BDH1: variants seen among roughly 807,000 people sequenced by gnomAD.
BDH1 encodes the protein 3-hydroxybutyrate dehydrogenase 1.
Under a neutral mutation model 33.1 loss-of-function variants are expected in BDH1, and 30 were observed. That is an observed-to-expected ratio of 0.91 (90% CI 0.68 to 1.23). The LOEUF is 1.23. BDH1 is among the 50% of genes most tolerant of loss of function. The pLI is 0.00. For missense variants in BDH1, 443 were observed against 464.4 expected (o/e 0.95, Z 0.42); for synonymous variants, 190 against 183.6 (o/e 1.03, Z -0.28).
At chr3:197,559,343 C>T (rs1717188019), upstream of BDH1, among the ~76,000 whole-genome samples, 1 of 152,170 alleles carries the variant, frequency 6.6e-6, no homozygotes, top group South Asian at 2.1e-4. Flanking sequence ...AATTGGAACT[C>T]ATTCATTATG....
intron 1 of BDH1, among the ~76,000 whole-genome samples, chr3:197,569,510 C>T (rs1349740120): frequency 1.3e-5 from 2 of 152,056 alleles, no homozygotes; most frequent in Non-Finnish European, 2.9e-5. Context: ...TCCCATAATT[C>T]CCATGTGTTG....
chr3:197,531,418 A>AATATAT (rs199916775), intron 5 of BDH1, among the ~76,000 whole-genome samples: 1 of 137,254 alleles, frequency 7.3e-6, no homozygotes, highest in East Asian at 2.2e-4. Flanking sequence ...TTAAAAAAAA[A>AATATAT]ATATATATAT....
At chr3:197,530,253 G>A (rs1048211109) in intron 5 of BDH1, 1 of 152,118 alleles carries the variant, frequency 6.6e-6, no homozygotes, top group Non-Finnish European at 1.5e-5. Context: ...CACTCCTGGA[G>A]GGAATGTAAA....
At chr3:197,512,557 T>C (rs2108697049) in intron 7 of BDH1, among the ~76,000 whole-genome samples, 193 bp from the exon 8 acceptor site, 1 of 152,338 alleles carries the variant, frequency 6.6e-6, no homozygotes, top group Admixed American at 6.5e-5. Context: ...GGAACCTGGC[T>C]GTGCCAGGCA....
At chr3:197,560,230 A>G (rs1461489883), upstream of BDH1, among the ~76,000 whole-genome samples, 1 of 152,246 alleles carries the variant, frequency 6.6e-6, no homozygotes, top group African/African-American at 2.4e-5. Flanking sequence ...ACCTGTGCTA[A>G]CATTCTTAAA....
intron 1 of BDH1, among the ~76,000 whole-genome samples, chr3:197,563,460 A>T (rs1253091641): frequency 6.6e-6 from 1 of 152,246 alleles, no homozygotes; most frequent in Non-Finnish European, 1.5e-5. Flanking sequence ...AGATGGAGTC[A>T]GTTAGGCAAA....
At chr3:197,548,199 C>T (rs1257422588) in intron 2 of BDH1, among the ~76,000 whole-genome samples, 1 of 152,208 alleles carries the variant, frequency 6.6e-6, no homozygotes, top group Non-Finnish European at 1.5e-5. Flanking sequence ...TTGCAGAGAG[C>T]AGCAGAATGG....
At chr3:197,547,820 G>A (rs1219852315) in intron 2 of BDH1, among the ~76,000 whole-genome samples, 1 of 152,114 alleles carries the variant, frequency 6.6e-6, no homozygotes, top group Non-Finnish European at 1.5e-5. Flanking sequence ...CCCACGTGAG[G>A]GCGTTCCTGC....
In BDH1 at chr3:197,523,071, T is replaced by A. The variant is rs1713731038; in HGVS notation, c.268-290A>T. ...TCTCCAAGCAGGGGTTGCAAACTTA[T>A]GTGGGGCAGGCGGGGGCCCTGGGGA... On this transcript the variant is annotated intron_variant, in intron 5 of 7. Coordinates refer to ENST00000392379, the MANE Select transcript of BDH1 (RefSeq NM_203314.3). This position sits in a 1 kb window ranked among gnomAD's most constrained non-coding sequence, Gnocchi z 4.5. 1.5e-5 allele frequency: 6 copies of A among 413,462 alleles called. No homozygotes were observed. In the South Asian group the frequency reaches 3.5e-4, roughly 24 times the overall value. 25.6% of individuals were successfully genotyped at this position (413,462 alleles called of 1,614,324 possible).
chr3:197,568,987 A>G (rs181644958), intron 1 of BDH1, among the ~76,000 whole-genome samples: 2 of 152,330 alleles, frequency 1.3e-5, no homozygotes, highest in East Asian at 1.9e-4. Context: ...AGTGCCCTCT[A>G]TGCATTATTT....
At chr3:197,546,652 G>T (rs1436992079) in intron 2 of BDH1, among the ~76,000 whole-genome samples, 166 bp from the exon 3 acceptor site, 1 of 152,180 alleles carries the variant, frequency 6.6e-6, no homozygotes, top group African/African-American at 2.4e-5. Flanking sequence ...CTCTCAAGCT[G>T]CAGCTTCACA....
intron 6 of BDH1, chr3:197,515,943 T>G: frequency 6.5e-6 from 1 of 154,128 alleles, no homozygotes; most frequent in Non-Finnish European, 1.4e-5. Context: ...ATCCTCTCCA[T>G]CTCCCTTCCA....
At chr3:197,531,061 C>A (rs1055449228) in intron 5 of BDH1, among the ~76,000 whole-genome samples, 12 of 151,948 alleles carry the variant, frequency 7.9e-5, no homozygotes, top group Non-Finnish European at 1.5e-4. Flanking sequence ...AATAATACAG[C>A]GATAAAGAAA....
At chr3:197,544,176 C>A (rs1404512856) in intron 3 of BDH1, among the ~76,000 whole-genome samples, 6 of 152,118 alleles carry the variant, frequency 3.9e-5, no homozygotes, top group African/African-American at 1.4e-4. Flanking sequence ...GATTACCCAC[C>A]ATGCCAGCCT....
rs1293301740 is a variant in BDH1 at position 197,526,791 on chromosome 3, C to T, written c.268-4010G>A. On this transcript the variant is annotated intron_variant, in intron 5 of 7. Transcript: ENST00000392379. The surrounding 1 kb of genome is among the most constrained non-coding windows in gnomAD (Gnocchi z 4.7). ...GAGCCACTCCTGTCTCAATCTCGGG[C>T]CTTTAGACTTCTTCTGGTGGACATT... Among the ~76,000 whole-genome samples, 1 of 152,184 alleles carries T rather than the reference C, an allele frequency of 6.6e-6. No individual in the cohort carries two copies. Among genetic ancestry groups the T allele is most frequent in the Non-Finnish European group, 1.5e-5 (1 of 68,020 alleles).
intron 2 of BDH1, among the ~76,000 whole-genome samples, chr3:197,550,567 T>C (rs1716476780): frequency 6.6e-6 from 1 of 152,162 alleles, no homozygotes; most frequent in Non-Finnish European, 1.5e-5. Context: ...AGCCCATTGT[T>C]CTGTCCCCTG....
At chr3:197,552,927 T>C (rs887298133) in intron 2 of BDH1, among the ~76,000 whole-genome samples, 1 of 152,174 alleles carries the variant, frequency 6.6e-6, no homozygotes, top group Non-Finnish European at 1.5e-5. Flanking sequence ...ATTGATTGAT[T>C]GATTCATTGA....
intron 7 of BDH1, among the ~76,000 whole-genome samples, chr3:197,513,384 C>T (rs1335853601): frequency 1.3e-5 from 2 of 149,968 alleles, no homozygotes; most frequent in Non-Finnish European, 3.0e-5. Flanking sequence ...CAGGTGTGCC[C>T]CCGGGAGGGC....
chr3:197,563,817 T>A (rs962615093), intron 1 of BDH1, among the ~76,000 whole-genome samples: 6 of 151,998 alleles, frequency 3.9e-5, no homozygotes, highest in Non-Finnish European at 8.8e-5. Flanking sequence ...TAAAGAAAGT[T>A]ATGGCTGGGA....
Sources: gnomAD v4.1 joint callset for allele counts (sites outside exome capture counted in the v4.1 genomes callset) on GRCh38, gnomAD v4.1.1 for gene constraint, Gnocchi (gnomAD v3.1) non-coding constraint, MANE v1.5 for transcripts, NCBI Gene and HGNC (gene_info 2026-07-23, HGNC 2026-07-21) for gene names.